The following GRID2 variants were observed in gnomAD, a reference collection of about 807,000 sequenced individuals.
GRID2 encodes glutamate receptor ionotropic, delta-2.
Under a neutral mutation model 114.8 loss-of-function variants are expected in GRID2, and 33 were observed. The observed-to-expected ratio is 0.29, with a 90% confidence interval of 0.22 to 0.38. The LOEUF (loss-of-function observed/expected upper bound fraction) is 0.38, where lower values mean the gene tolerates loss of function less well. GRID2 is among the 10% of genes least tolerant of loss of function. GRID2 has a pLI of 1.00. For missense variants in GRID2, 1,184 were observed against 1,257.7 expected (o/e 0.94, Z 0.89); for synonymous variants, 505 against 449.9 (o/e 1.12, Z -1.55).
intron 2 of GRID2, among the ~76,000 whole-genome samples, chr4:92,805,255 G>C (rs561626666): frequency 6.6e-6 from 1 of 151,680 alleles, no homozygotes; most frequent in East Asian, 2.0e-4. Flanking sequence ...CTCTCTCTCT[G>C]TGCTTCAACT....
At position 92,947,544 on chromosome 4, in the gene GRID2, A is replaced by AT. The variant is rs11307985; in HGVS notation, c.245-137442dup. The stretch of plus-strand genomic sequence containing the variant: ...TAAACTTGCAAAGTTTCAGATTTAT[A>AT]TTTTTTTTTCAAAAACTGACTATAT... On this transcript the variant is annotated intron_variant, in intron 2 of 15. Transcript: ENST00000282020. Among the ~76,000 whole-genome samples the AT allele has an allele frequency of 5.6e-4, 85 of 151,042 alleles. 1 individual carries two copies. The South Asian group carries it at 5.7e-3, about 10-fold the overall frequency.
chr4:93,217,789 G>T (rs757319188), intron 6 of GRID2, among the ~76,000 whole-genome samples: 1 of 151,990 alleles, frequency 6.6e-6, no homozygotes, highest in African/African-American at 2.4e-5. Context: ...GCAGTATAAT[G>T]CTAGCATATA....
At chr4:93,384,212 A>G (rs913055070) in intron 8 of GRID2, among the ~76,000 whole-genome samples, 9 of 152,176 alleles carry the variant, frequency 5.9e-5, no homozygotes, top group African/African-American at 2.2e-4. Context: ...ACCCTCGTGA[A>G]TTAATCACCT....
chr4:93,115,362 G>A (rs13106065), intron 4 of GRID2, among the ~76,000 whole-genome samples: 1 of 145,252 alleles, frequency 6.9e-6, no homozygotes, highest in Admixed American at 7.1e-5. Context: ...CTTTTCATGA[G>A]GCAAATAGTG....
At chr4:93,527,429 T>C (rs1206607662) in intron 13 of GRID2, among the ~76,000 whole-genome samples, 1 of 152,160 alleles carries the variant, frequency 6.6e-6, no homozygotes, top group African/African-American at 2.4e-5. Context: ...TATATTACAG[T>C]ATAAAACCAT....
At chr4:93,025,520 G>C (rs925642542) in intron 2 of GRID2, among the ~76,000 whole-genome samples, 2 of 151,726 alleles carry the variant, frequency 1.3e-5, no homozygotes, top group Admixed American at 1.3e-4. Context: ...TGATGGTACA[G>C]ATGGTTGCTT....
Position 93,002,313 on chromosome 4 carries a change from A to G in GRID2, c.245-82682A>G, listed in dbSNP as rs530137355. On this transcript the variant is annotated intron_variant, in intron 2 of 15. Transcript: ENST00000282020. ...TATTCGATTTTTATTATAGCTGGCC[A>G]AATTAAAATTAACCATGATGTTCTA... is the stretch of plus-strand genomic sequence containing the variant. Among the ~76,000 whole-genome samples, 218 of 151,970 alleles carry G rather than the reference A, an allele frequency of 1.4e-3. 1 individual carries two copies. The highest frequency in any genetic ancestry group is 5.2e-3 in the African/African-American group (215 of 41,540).
intron 14 of GRID2, among the ~76,000 whole-genome samples, chr4:93,665,182 TTTTC>T (rs1037035931): frequency 3.3e-5 from 5 of 152,306 alleles, no homozygotes; most frequent in African/African-American, 1.2e-4. Flanking sequence ...ATGTCAGTTG[TTTTC>T]TCATCACTTG....
At chr4:93,459,569 G>A (rs1345747033) in intron 11 of GRID2, among the ~76,000 whole-genome samples, 3 of 152,162 alleles carry the variant, frequency 2.0e-5, no homozygotes, top group Admixed American at 2.0e-4. Context: ...ACCAGAAATA[G>A]GAGGTGACAT....
chr4:92,460,265 G>T (rs989417092), intron 1 of GRID2, among the ~76,000 whole-genome samples: 7 of 151,540 alleles, frequency 4.6e-5, no homozygotes, highest in African/African-American at 9.7e-5. Flanking sequence ...AATGGGGTCA[G>T]CAGATATTCT....
intron 1 of GRID2, among the ~76,000 whole-genome samples, chr4:92,452,110 T>A (rs1227580607): frequency 1.3e-5 from 2 of 152,144 alleles, no homozygotes; most frequent in East Asian, 3.9e-4. Context: ...GGTAAAGCAG[T>A]GTCATGGCAT....
intron 2 of GRID2, among the ~76,000 whole-genome samples, chr4:92,603,414 T>C (rs1729313185): frequency 6.6e-6 from 1 of 152,058 alleles, no homozygotes. Flanking sequence ...CCATTTGATC[T>C]TAAACAAACC....
intron 1 of GRID2, among the ~76,000 whole-genome samples, chr4:92,477,941 A>G (rs1337490406): frequency 1.3e-5 from 2 of 151,060 alleles, no homozygotes; most frequent in Non-Finnish European, 3.0e-5. Context: ...GGTACTATAC[A>G]AGAGTTACAT....
At chr4:92,580,686 T>C (rs1459773944) in intron 1 of GRID2, among the ~76,000 whole-genome samples, 1 of 151,974 alleles carries the variant, frequency 6.6e-6, no homozygotes, top group Non-Finnish European at 1.5e-5. Flanking sequence ...TTCATACAGA[T>C]ATTTCTTTGG....
chr4:93,544,355 TCCA>T (rs1732983751), intron 13 of GRID2, among the ~76,000 whole-genome samples: 1 of 152,148 alleles, frequency 6.6e-6, no homozygotes, highest in Non-Finnish European at 1.5e-5. Context: ...TATGTCCTGA[TCCA>T]CCACAAATTA....
chr4:93,806,880 C>T (rs1735043902), exon 2 of GRID2: 3 of 152,272 alleles, frequency 2.0e-5, no homozygotes, highest in African/African-American at 7.2e-5. Context: ...ATAACCTCTA[C>T]CAGCACAAGA....
At chr4:93,541,191 C>A (rs1414764533) in intron 13 of GRID2, among the ~76,000 whole-genome samples, 1 of 152,126 alleles carries the variant, frequency 6.6e-6, no homozygotes, top group African/African-American at 2.4e-5. Flanking sequence ...ATCTAAGAGA[C>A]ATTTTCCCAA....
chr4:92,907,712 A>T (rs1748062372), intron 2 of GRID2, among the ~76,000 whole-genome samples: 1 of 152,070 alleles, frequency 6.6e-6, no homozygotes, highest in Admixed American at 6.5e-5. Flanking sequence ...ACCTGGCCTT[A>T]AAATGTTTTC....
At chr4:92,538,662 A>C (rs1725772483) in intron 1 of GRID2, among the ~76,000 whole-genome samples, 1 of 152,202 alleles carries the variant, frequency 6.6e-6, no homozygotes, top group African/African-American at 2.4e-5. Context: ...TCTGTGAGGA[A>C]ATAGACATCA....
Sources: gnomAD v4.1 joint callset for allele counts (sites outside exome capture counted in the v4.1 genomes callset) on GRCh38, gnomAD v4.1.1 for gene constraint, MANE v1.5 for transcripts, NCBI Gene and HGNC (gene_info 2026-07-23, HGNC 2026-07-21) for gene names.